CCDC33: variants seen among roughly 807,000 people sequenced by gnomAD.
The protein encoded by CCDC33 is coiled-coil domain containing 33.
Under a neutral mutation model 91.9 loss-of-function variants are expected in CCDC33, and 94 were observed. That is an observed-to-expected ratio of 1.02 (90% CI 0.87 to 1.21). The LOEUF (loss-of-function observed/expected upper bound fraction) is 1.21. Among genes scored for constraint, CCDC33 ranks in the 50% most tolerant of loss-of-function variants. The pLI, the probability that CCDC33 is intolerant of heterozygous loss-of-function variation, is 0.00. For missense variants in CCDC33, 940 were observed against 935.5 expected (o/e 1.00, Z -0.06); for synonymous variants, 396 against 374.5 (o/e 1.06, Z -0.66).
At chr15:74,220,509 C>T (rs2074559596) in intron 2 of CCDC33, among the ~76,000 whole-genome samples, 1 of 152,188 alleles carries the variant, frequency 6.6e-6, no homozygotes, top group African/African-American at 2.4e-5. Context: ...GAAGCTGTCC[C>T]CTGCTCTCCA....
At chr15:74,267,267 G>C (rs2076190037) in intron 4 of CCDC33, among the ~76,000 whole-genome samples, 1 of 152,230 alleles carries the variant, frequency 6.6e-6, no homozygotes. Context: ...CGGCAGAGTT[G>C]AGGGTGAGCC....
chr15:74,313,643 CA>C (rs1326230403), intron 11 of CCDC33, among the ~76,000 whole-genome samples: 2 of 152,012 alleles, frequency 1.3e-5, no homozygotes, highest in East Asian at 3.9e-4. Flanking sequence ...TGGTCTCGAA[CA>C]CCTGACCTCA....
chr15:74,239,245 G>A (rs543574547), intron 1 of CCDC33, among the ~76,000 whole-genome samples: 165 of 152,240 alleles, frequency 1.1e-3, no homozygotes, highest in African/African-American at 3.8e-3. Context: ...ATAGGGAGGA[G>A]TGGGTGGAAG....
At chr15:74,270,074 A>G (rs2076272547) in intron 5 of CCDC33, among the ~76,000 whole-genome samples, 1 of 152,176 alleles carries the variant, frequency 6.6e-6, no homozygotes, top group Non-Finnish European at 1.5e-5. Context: ...TCAGAGATTC[A>G]ATCCTTTGAA....
rs1020916199 is a variant in CCDC33 at position 74,331,089 on chromosome 15, GAGACTGTGCGGCACCAAGAGA to G, written c.1657_1677del (p.Thr553_Lys559del). On this transcript the variant is annotated inframe_deletion and splice_region_variant, in exon 14 of 19. Coordinates refer to ENST00000398814, the MANE Select transcript of CCDC33 (RefSeq NM_025055.5). ...GCTGCAGAAGATGAAGGCGCTGGAG[GAGACTGTGCGGCACCAAGAGA>G]AGGCAGGTGGCAGAGGGGCTGCCCC... 4 of 1,613,520 alleles carry G rather than the reference GAGACTGTGCGGCACCAAGAGA, an allele frequency of 2.5e-6. No individual in the cohort carries two copies. The African/African-American group carries it at 5.3e-5, about 22-fold the overall frequency.
chr15:74,326,897 G>A (rs2060320745), intron 11 of CCDC33, among the ~76,000 whole-genome samples: 1 of 152,230 alleles, frequency 6.6e-6, no homozygotes, highest in Admixed American at 6.5e-5. Context: ...GTGACGCAGA[G>A]CATGGCCCTG....
At chr15:74,205,335 C>T (rs1023272127) in intron 1 of CCDC33, among the ~76,000 whole-genome samples, 3 of 152,130 alleles carry the variant, frequency 2.0e-5, no homozygotes, top group Non-Finnish European at 4.4e-5. Flanking sequence ...GGAAGCAGCA[C>T]GGCACCAGCA....
intron 2 of CCDC33, among the ~76,000 whole-genome samples, chr15:74,251,384 A>G (rs1022222167): frequency 6.6e-6 from 1 of 152,244 alleles, no homozygotes; most frequent in African/African-American, 2.4e-5. Context: ...GGGACCAGGA[A>G]GACAGTGGCA....
chr15:74,224,709 T>C (rs1272235004), intron 2 of CCDC33, among the ~76,000 whole-genome samples: 1 of 152,220 alleles, frequency 6.6e-6, no homozygotes, highest in Non-Finnish European at 1.5e-5. Context: ...GCAATTTCTG[T>C]GCCCTTTATT....
At chr15:74,310,366 G>A (rs1342808827) in intron 11 of CCDC33, among the ~76,000 whole-genome samples, 3 of 151,960 alleles carry the variant, frequency 2.0e-5, no homozygotes, top group East Asian at 1.9e-4. Context: ...GTGAAACCCC[G>A]TTTCTACTAA....
chr15:74,302,716 A>G (rs2930295), intron 11 of CCDC33: 15,831 of 152,310 alleles, frequency 0.1, 949 homozygotes, highest in East Asian at 0.3. Context: ...GCCACCCTAC[A>G]TGGCACAGAA....
At chr15:74,256,383 C>A (rs1595957196) in intron 2 of CCDC33, among the ~76,000 whole-genome samples, 1 of 151,696 alleles carries the variant, frequency 6.6e-6, no homozygotes, top group African/African-American at 2.4e-5. Context: ...TTATGTCTGG[C>A]CCACGTTCCT....
At chr15:74,221,450 C>A in intron 2 of CCDC33, 1 of 384,434 alleles carries the variant, frequency 2.6e-6, no homozygotes, top group Non-Finnish European at 3.6e-6. Context: ...CTGGGTTACA[C>A]AGCCTTAAAT....
At chr15:74,312,359 G>T (rs2060008386) in intron 11 of CCDC33, among the ~76,000 whole-genome samples, 1 of 152,220 alleles carries the variant, frequency 6.6e-6, no homozygotes, top group Non-Finnish European at 1.5e-5. Context: ...CCCAGCCCAG[G>T]AGGGTCCCCC....
intron 11 of CCDC33, among the ~76,000 whole-genome samples, chr15:74,310,472 G>A (rs1197802525): frequency 1.3e-5 from 2 of 151,750 alleles, no homozygotes; most frequent in Non-Finnish European, 2.9e-5. Context: ...AGGAGACAGA[G>A]GTTGCAGTGA....
intron 11 of CCDC33, among the ~76,000 whole-genome samples, chr15:74,314,916 A>G (rs874712): frequency 0.071 from 10,789 of 152,360 alleles, 560 homozygotes; most frequent in Middle Eastern, 0.16. Flanking sequence ...GCCCACAGCC[A>G]GGCAGGGCCC....
chr15:74,250,325 C>T (rs1174992937), intron 2 of CCDC33, among the ~76,000 whole-genome samples: 2 of 152,148 alleles, frequency 1.3e-5, no homozygotes, highest in South Asian at 4.1e-4. Context: ...AGGCTCAGCA[C>T]GGTTGGGTCT....
At chr15:74,329,139 A>T (rs1242574901) in intron 11 of CCDC33, among the ~76,000 whole-genome samples, 1 of 152,132 alleles carries the variant, frequency 6.6e-6, no homozygotes. Flanking sequence ...ACAAATGCAT[A>T]TAAATATAGC....
At chr15:74,235,556 A>G (rs796894041), upstream of CCDC33, among the ~76,000 whole-genome samples, 17 of 152,204 alleles carry the variant, frequency 1.1e-4, no homozygotes, top group African/African-American at 3.6e-4. Context: ...AGGATTTCTG[A>G]TCATTCTTCG....
Sources: allele counts gnomAD v4.1 joint callset (sites outside exome capture counted in the v4.1 genomes callset), GRCh38; gene constraint gnomAD v4.1.1; transcripts MANE v1.5; gene names NCBI Gene and HGNC (gene_info 2026-07-23, HGNC 2026-07-21).